The following KYAT3 variants were observed in gnomAD, a reference collection of about 807,000 sequenced individuals.
KYAT3 encodes kynurenine--oxoglutarate transaminase 3.
A neutral mutation model predicts 59.0 loss-of-function variants in KYAT3; 50 were observed. The ratio of observed to expected loss-of-function variants is 0.85; its 90% CI spans 0.68 to 1.07. KYAT3 has a LOEUF of 1.07. KYAT3 is among the 50% of genes least tolerant of loss of function. The pLI is 0.00. For synonymous variants in KYAT3, 148 were observed against 177.0 expected (o/e 0.84, Z 1.30); for missense variants, 497 against 533.3 (o/e 0.93, Z 0.67).
chr1:88,987,402 G>T (rs1287014446), intron 2 of KYAT3, among the ~76,000 whole-genome samples: 1 of 152,102 alleles, frequency 6.6e-6, no homozygotes, highest in Non-Finnish European at 1.5e-5. Context: ...TTTACATATA[G>T]AAGACACTGA....
intron 1 of KYAT3, among the ~76,000 whole-genome samples, chr1:88,992,359 A>T (rs1205158361): frequency 1.3e-5 from 2 of 152,236 alleles, no homozygotes; most frequent in Non-Finnish European, 2.9e-5. Context: ...AAGCGCCAAG[A>T]CGGTGACCCG....
rs554330117 is a variant in KYAT3 at position 88,952,434 on chromosome 1, T to C, written c.954+629A>G. On this transcript the variant is annotated intron_variant, in intron 10 of 13. Transcript: ENST00000260508. ...GATCATGGGAGTGGTTTCTCATGAA[T>C]GGTTTAGCACCATCCCCTTGATGCT... Among the ~76,000 whole-genome samples the C allele has an allele frequency of 4.6e-5, 7 of 152,276 alleles. No individual in the cohort carries two copies. In the East Asian group the frequency reaches 1.4e-3, roughly 29 times the overall value.
At chr1:88,989,308 G>A (rs937965978) in intron 1 of KYAT3, among the ~76,000 whole-genome samples, 1 of 152,082 alleles carries the variant, frequency 6.6e-6, no homozygotes, top group Admixed American at 6.5e-5. Context: ...AAGGGGGGTT[G>A]GGTTTATATA....
intron 2 of KYAT3, among the ~76,000 whole-genome samples, chr1:88,974,715 G>A (rs1290749433): frequency 1.3e-5 from 2 of 152,006 alleles, no homozygotes; most frequent in Admixed American, 1.3e-4. Flanking sequence ...CTAAAGGATT[G>A]TAAATGCACC....
At chr1:88,923,702 T>C in the KYAT3 span, 1 of 252,712 alleles carries the variant, frequency 4.0e-6, no homozygotes, top group Non-Finnish European at 7.6e-6. Flanking sequence ...CTATGAAATG[T>C]TTGGATATCC....
rs1480872733 is a variant in KYAT3 at position 88,968,940 on chromosome 1, A to T, written c.159-126T>A. On this transcript the variant is annotated intron_variant, in intron 3 of 13. Transcript: ENST00000260508. ...AGTTTAGTCCTATAGGTTTTAAAAAATGAGTTTCCAACAAAAATTTACCAA... is the reference window on the plus strand; with the variant it reads ...AGTTTAGTCCTATAGGTTTTAAAAATTGAGTTTCCAACAAAAATTTACCAA... The T allele has an allele frequency of 5.9e-6, 4 of 673,952 alleles. No individual in the cohort carries two copies. In the African/African-American group the frequency reaches 7.7e-5, roughly 13 times the overall value. 41.7% of individuals were successfully genotyped at this position (673,952 alleles called of 1,614,324 possible). A position where few individuals can be genotyped will look rare whatever the true frequency, so the allele number is the denominator to read the frequency against.
At chr1:88,973,346 AAC>A (rs1237379446) in intron 2 of KYAT3, among the ~76,000 whole-genome samples, 2 of 152,236 alleles carry the variant, frequency 1.3e-5, no homozygotes, top group African/African-American at 4.8e-5. Context: ...TGAGGGAACT[AAC>A]ACACTGGTGA....
Position 88,969,357 on chromosome 1 carries a change from G to A in KYAT3, c.158+52C>T, listed in dbSNP as rs182375284. 4.2e-4 allele frequency: 479 copies of A among 1,132,748 alleles called. 1 individual carries two copies. The African/African-American group carries it at 6.2e-3, about 15-fold the overall frequency. 70.2% of individuals were successfully genotyped at this position (1,132,748 alleles called of 1,614,324 possible). A position where few individuals can be genotyped will look rare whatever the true frequency, so the allele number is the denominator to read the frequency against. On this transcript the variant is annotated intron_variant, in intron 3 of 13. Transcript: ENST00000260508. The stretch of plus-strand genomic sequence containing the variant: ...AAAAAAAACTCCCATCTAAAGATAC[G>A]AAAATATGTAGGAAACCCTCACTAA...
At chr1:88,950,120 CA>C (rs1319546216) in intron 10 of KYAT3, among the ~76,000 whole-genome samples, 1 of 152,100 alleles carries the variant, frequency 6.6e-6, no homozygotes, top group Non-Finnish European at 1.5e-5. Flanking sequence ...CACCAGACAC[CA>C]AATCTGCTGG....
intron 5 of KYAT3, 90 bp downstream of exon 5, chr1:88,964,739 A>G (rs777322948): frequency 2.5e-5 from 26 of 1,021,078 alleles, no homozygotes; most frequent in Admixed American, 6.8e-5. Flanking sequence ...AAATAAAAAG[A>G]GAAAAGAGTA....
chr1:88,983,800 C>A (rs74100106), intron 2 of KYAT3: 1 of 1,432,626 alleles, frequency 7.0e-7, no homozygotes, highest in East Asian at 2.4e-5. Context: ...CAATGAAGAG[C>A]TTTCCTGGGC....
At chr1:88,953,213 A>G in intron 9 of KYAT3, 61 bp from the exon 10 acceptor site, 1 of 1,156,042 alleles carries the variant, frequency 8.7e-7, no homozygotes, top group African/African-American at 1.5e-5. Context: ...AATCTGAGAC[A>G]GCAGTTTAAA....
At chr1:88,963,168 T>C (rs1477401982) in intron 5 of KYAT3, among the ~76,000 whole-genome samples, 1 of 151,760 alleles carries the variant, frequency 6.6e-6, no homozygotes, top group Non-Finnish European at 1.5e-5. Flanking sequence ...AATAAATAGG[T>C]CAGTATGATA....
intron 10 of KYAT3, among the ~76,000 whole-genome samples, chr1:88,949,637 G>C (rs1277754864): frequency 6.6e-6 from 1 of 152,216 alleles, no homozygotes. Flanking sequence ...CAACCAGAGA[G>C]TAGTCAGCCT....
rs78165243 is a variant in KYAT3 at position 88,949,913 on chromosome 1, C to T, written c.955-636G>A. ...AAGTATAGTGGACTGAATGTTTGTG[C>T]CCACTCTCATATTCATATATTAAAA... On this transcript the variant is annotated intron_variant, in intron 10 of 13. Coordinates refer to ENST00000260508, the MANE Select transcript of KYAT3 (RefSeq NM_001008661.3). Among the ~76,000 whole-genome samples, 950 of 152,246 alleles carry T rather than the reference C, an allele frequency of 6.2e-3. 9 individuals carry two copies. Among genetic ancestry groups the T allele is most frequent in the African/African-American group, 0.021 (864 of 41,524 alleles).
At chr1:88,992,188 C>T (rs546487686) in intron 1 of KYAT3, among the ~76,000 whole-genome samples, 54 of 152,218 alleles carry the variant, frequency 3.5e-4, no homozygotes, top group African/African-American at 1.3e-3. Context: ...CCGTGTTAGC[C>T]AGGATGGTCT....
At chr1:88,974,675 T>C (rs1557699666) in intron 2 of KYAT3, among the ~76,000 whole-genome samples, 1 of 151,990 alleles carries the variant, frequency 6.6e-6, no homozygotes, top group African/African-American at 2.4e-5. Context: ...TAGAGGATTA[T>C]AAATGCACCA....
intron 2 of KYAT3, among the ~76,000 whole-genome samples, chr1:88,987,898 T>G (rs540389797): frequency 6.6e-6 from 1 of 152,200 alleles, no homozygotes; most frequent in Admixed American, 6.5e-5. Flanking sequence ...ATGTACGTAT[T>G]GTATTTGGTG....
intron 10 of KYAT3, among the ~76,000 whole-genome samples, chr1:88,952,599 G>C (rs1675722997): frequency 6.6e-6 from 1 of 152,104 alleles, no homozygotes; most frequent in Non-Finnish European, 1.5e-5. Context: ...AGTTTTCTAA[G>C]GCCTCTCCAG....
Sources: gnomAD v4.1 joint callset for allele counts (sites outside exome capture counted in the v4.1 genomes callset) on GRCh38, gnomAD v4.1.1 for gene constraint, MANE v1.5 for transcripts, NCBI Gene and HGNC (gene_info 2026-07-23, HGNC 2026-07-21) for gene names.